LINGO2: variants seen among roughly 807,000 people sequenced by gnomAD.
LINGO2 encodes the protein leucine rich repeat and Ig domain containing 2, also known as leucine-rich repeat and immunoglobulin-like domain-containing nogo receptor-interacting protein 2.
A neutral mutation model predicts 30.6 loss-of-function variants in LINGO2; 14 were observed. That is an observed-to-expected ratio of 0.46 (90% CI 0.30 to 0.72). LINGO2 has a LOEUF of 0.72. Ranked by LOEUF, LINGO2 falls within the 30% of genes least tolerant of loss-of-function variation. LINGO2 has a pLI of 0.07. For missense variants in LINGO2, 729 were observed against 751.7 expected, an observed-to-expected ratio of 0.97 and a Z score of 0.35; for synonymous variants, 317 against 288.5, an observed-to-expected ratio of 1.10 and a Z score of -1.00.
the LINGO2 span, among the ~76,000 whole-genome samples, chr9:28,874,177 G>C: frequency 1.3e-5 from 2 of 151,852 alleles, no homozygotes; most frequent in African/African-American, 4.8e-5. Flanking sequence ...ATTTCTTTCT[G>C]AAAATCAAGG....
chr9:28,052,490 A>AG (rs1315183393), intron 4 of LINGO2, among the ~76,000 whole-genome samples: 2 of 152,076 alleles, frequency 1.3e-5, no homozygotes, highest in African/African-American at 4.8e-5. Context: ...ATCATTTCCC[A>AG]GAGGTATACC....
chr9:29,194,700 T>C, the LINGO2 span, among the ~76,000 whole-genome samples: 5 of 152,196 alleles, frequency 3.3e-5, no homozygotes, highest in Admixed American at 1.3e-4. Context: ...TTTTGTAATG[T>C]AGATTTGGAT....
chr9:28,199,344 C>CTTCTTCTTCTTT (rs74180792), intron 4 of LINGO2, among the ~76,000 whole-genome samples: 2 of 117,660 alleles, frequency 1.7e-5, no homozygotes, highest in Non-Finnish European at 3.7e-5. Context: ...TCTTCTTCTT[C>CTTCTTCTTCTTT]TTTTTTTTTT....
rs562542090 is a variant in LINGO2 at position 28,348,808 on chromosome 9, G to C, written c.-246+24028C>G. On this transcript the variant is annotated intron_variant, in intron 3 of 5. Coordinates refer to ENST00000379992, the Ensembl canonical transcript of LINGO2. ...AGCACGCAGCTGGAGATCTGAGAAC[G>C]GGCAGACTGCCTCCTCAAGTGGGTC... is the stretch of plus-strand genomic sequence containing the variant. 5.1e-4 allele frequency among the ~76,000 whole-genome samples: 77 copies of C among 151,744 alleles called. 1 individual carries two copies. The highest frequency in any genetic ancestry group is 2.7e-3 in the South Asian group (13 of 4,786).
At chr9:28,252,513 T>C (rs552264413) in intron 4 of LINGO2, among the ~76,000 whole-genome samples, 15 of 152,016 alleles carry the variant, frequency 9.9e-5, no homozygotes, top group Non-Finnish European at 2.1e-4. Context: ...GTAGGAACCA[T>C]GGTTGAGAGA....
chr9:29,127,113 A>G, the LINGO2 span, among the ~76,000 whole-genome samples: 1 of 152,086 alleles, frequency 6.6e-6, no homozygotes, highest in South Asian at 2.1e-4. Flanking sequence ...ATAGGGTATA[A>G]CCAAGTAACC....
the LINGO2 span, among the ~76,000 whole-genome samples, chr9:29,074,678 C>CTTTTTTT: frequency 6.8e-5 from 6 of 88,024 alleles, no homozygotes; most frequent in Non-Finnish European, 1.2e-4. Context: ...AAATTACTTA[C>CTTTTTTT]TTTTTTTTTT....
the LINGO2 span, among the ~76,000 whole-genome samples, chr9:28,713,678 G>A: frequency 1.6e-3 from 237 of 152,188 alleles, 1 homozygote; most frequent in Middle Eastern, 3.4e-3. Context: ...TTTTGTGTGT[G>A]GAGGGGTGTG....
At chr9:28,306,034 C>T (rs1033422336) in intron 3 of LINGO2, among the ~76,000 whole-genome samples, 2 of 152,036 alleles carry the variant, frequency 1.3e-5, no homozygotes, top group African/African-American at 2.4e-5. Flanking sequence ...TCTAAGTTGA[C>T]CAGGCCAAGC....
the LINGO2 span, among the ~76,000 whole-genome samples, chr9:28,772,593 G>A: frequency 0.07 from 10,693 of 152,180 alleles, 1,254 homozygotes; most frequent in African/African-American, 0.24. Flanking sequence ...AAAATTGTCC[G>A]CTGAAGCTGA....
At chr9:28,070,188 A>G (rs1825432893) in intron 4 of LINGO2, among the ~76,000 whole-genome samples, 1 of 152,134 alleles carries the variant, frequency 6.6e-6, no homozygotes, top group Non-Finnish European at 1.5e-5. Flanking sequence ...GCCATGTTAT[A>G]AGCACAACTG....
chr9:27,996,594 G>T (rs1430814446), intron 5 of LINGO2, among the ~76,000 whole-genome samples: 2 of 152,146 alleles, frequency 1.3e-5, no homozygotes, highest in Non-Finnish European at 2.9e-5. Context: ...GTGGTTACTA[G>T]TGACAGGGAA....
the LINGO2 span, among the ~76,000 whole-genome samples, chr9:28,814,021 T>G: frequency 6.6e-6 from 1 of 152,290 alleles, no homozygotes; most frequent in Non-Finnish European, 1.5e-5. Context: ...TATACAATAC[T>G]TACTGATAAC....
the LINGO2 span, among the ~76,000 whole-genome samples, chr9:28,769,510 ATATATATATTTTTTTTTTTTTTTT>A: frequency 4.6e-3 from 11 of 2,402 alleles, 2 homozygotes; most frequent in Non-Finnish European, 5.7e-3. Context: ...ATATATATAT[ATATATATATTTTTTTTTTTTTTTT>A]TTTTTTTTTT....
intron 2 of LINGO2, among the ~76,000 whole-genome samples, chr9:28,454,985 TAA>T (rs1824789571): frequency 6.6e-6 from 1 of 152,060 alleles, no homozygotes; most frequent in African/African-American, 2.4e-5. Context: ...CCATTAGTAT[TAA>T]GAGCAGGTAC....
At chr9:28,509,910 T>G (rs1820302530) in intron 1 of LINGO2, among the ~76,000 whole-genome samples, 1 of 152,374 alleles carries the variant, frequency 6.6e-6, no homozygotes, top group Non-Finnish European at 1.5e-5. Flanking sequence ...TAAATATTTT[T>G]GAAGATAAAC....
the LINGO2 span, among the ~76,000 whole-genome samples, chr9:28,792,971 G>A: frequency 6.6e-6 from 1 of 152,008 alleles, no homozygotes; most frequent in Non-Finnish European, 1.5e-5. Flanking sequence ...TTGTACATGT[G>A]GGCAAGAAAA....
At chr9:28,837,682 T>TATATATATATATATATATATATATATATA in the LINGO2 span, among the ~76,000 whole-genome samples, 1 of 46,780 alleles carries the variant, frequency 2.1e-5, no homozygotes, top group Admixed American at 2.5e-4. Flanking sequence ...ATATATATAT[T>TATATATATATATATATATATATATATATA]TAGGATAACA....
chr9:28,870,712 A>T, the LINGO2 span, among the ~76,000 whole-genome samples: 1 of 146,934 alleles, frequency 6.8e-6, no homozygotes, highest in African/African-American at 2.7e-5. Context: ...GCATAAAAAG[A>T]AGCAACAAAA....
Sources: allele counts gnomAD v4.1 joint callset (sites outside exome capture counted in the v4.1 genomes callset), GRCh38; gene constraint gnomAD v4.1.1; transcripts MANE v1.5; gene names NCBI Gene and HGNC (gene_info 2026-07-23, HGNC 2026-07-21).